PTK2: variants seen among roughly 807,000 people sequenced by gnomAD.
PTK2 encodes the protein focal adhesion kinase 1.
In PTK2, 45 loss-of-function variants were observed where a neutral mutation model predicts 150.1. The ratio of observed to expected loss-of-function variants is 0.30; its 90% CI spans 0.24 to 0.38. The LOEUF is 0.38. PTK2 is among the 10% of genes least tolerant of loss of function. The pLI, the probability that PTK2 is intolerant of heterozygous loss-of-function variation, is 1.00. For missense variants in PTK2, 919 were observed against 1,307.3 expected (o/e 0.70, Z 4.58); for synonymous variants, 432 against 449.2 (o/e 0.96, Z 0.48).
chr8:140,817,314 G>A (rs1451589272), intron 10 of PTK2, among the ~76,000 whole-genome samples: 2 of 152,128 alleles, frequency 1.3e-5, no homozygotes, highest in Non-Finnish European at 2.9e-5. Flanking sequence ...TGAGCAGAGT[G>A]GGAATGGAAA....
intron 14 of PTK2, among the ~76,000 whole-genome samples, chr8:140,782,789 T>C (rs2100082590): frequency 6.6e-6 from 1 of 152,160 alleles, no homozygotes; most frequent in Non-Finnish European, 1.5e-5. Flanking sequence ...AGAACCTTTT[T>C]CAAACTTGAA....
intron 26 of PTK2, among the ~76,000 whole-genome samples, chr8:140,689,767 CT>C (rs901035380): frequency 1.3e-5 from 2 of 152,136 alleles, no homozygotes; most frequent in Non-Finnish European, 2.9e-5. Context: ...CATGGGAATT[CT>C]TTGTACCATT....
chr8:140,803,761 T>G, intron 10 of PTK2, 111 bp from the exon 11 acceptor site: 3 of 974,064 alleles, frequency 3.1e-6, no homozygotes, highest in Non-Finnish European at 4.7e-6. Flanking sequence ...TCCCTAAGAC[T>G]GGAGGTCTGG....
intron 14 of PTK2, among the ~76,000 whole-genome samples, chr8:140,771,605 G>C (rs574930922): frequency 6.6e-6 from 1 of 152,184 alleles, no homozygotes; most frequent in South Asian, 2.1e-4. Flanking sequence ...GCATACTCAC[G>C]GGGTATCATA....
chr8:140,810,902 A>T (rs2100101131), intron 10 of PTK2, among the ~76,000 whole-genome samples: 1 of 152,160 alleles, frequency 6.6e-6, no homozygotes, highest in African/African-American at 2.4e-5. Context: ...CCAGCAACCC[A>T]ACCCTGTGCT....
Position 140,694,176 on chromosome 8 carries a change from G to GACTACAGGCACCTGCC in PTK2, c.2499+6699_2499+6714dup, listed in dbSNP as rs1370781390. 2.6e-5 allele frequency among the ~76,000 whole-genome samples: 4 copies of GACTACAGGCACCTGCC among 151,836 alleles called. No homozygotes were observed. In the East Asian group the frequency reaches 7.8e-4, roughly 29 times the overall value. On this transcript the variant is annotated intron_variant, in intron 26 of 31. Coordinates refer to ENST00000522684, the Ensembl canonical transcript of PTK2. ...CTGCCTTAGCCTCCTGAGTAGCTGG[G>GACTACAGGCACCTGCC]ACTACAGGCACCTGCCACTACGCCC...
At chr8:140,792,932 C>A (rs900960019) in intron 13 of PTK2, among the ~76,000 whole-genome samples, 2 of 152,042 alleles carry the variant, frequency 1.3e-5, no homozygotes, top group African/African-American at 4.8e-5. Flanking sequence ...TATTACTATT[C>A]GATTCTTTTA....
chr8:140,770,287 C>G (rs2100074762), intron 14 of PTK2, among the ~76,000 whole-genome samples: 1 of 152,176 alleles, frequency 6.6e-6, no homozygotes, highest in Non-Finnish European at 1.5e-5. Flanking sequence ...TGCAGCAGCC[C>G]TAAATATCTG....
chr8:140,767,634 C>T (rs774565300), intron 14 of PTK2, among the ~76,000 whole-genome samples: 16 of 152,156 alleles, frequency 1.1e-4, no homozygotes, highest in Middle Eastern at 3.4e-3. Context: ...TACAGGCACG[C>T]GCCGCCATGC....
At chr8:140,920,760 G>T in intron 2 of PTK2, 2 of 1,321,002 alleles carry the variant, frequency 1.5e-6, no homozygotes, top group Non-Finnish European at 9.8e-7. Context: ...CTACCTTTTC[G>T]GTGCAAAAGC....
chr8:140,737,450 A>G (rs969551586), intron 21 of PTK2, among the ~76,000 whole-genome samples: 2 of 152,204 alleles, frequency 1.3e-5, no homozygotes, highest in Non-Finnish European at 2.9e-5. Context: ...TTCTTTAAAC[A>G]CTGCATTTTA....
At chr8:140,914,431 T>A (rs955871634) in intron 2 of PTK2, among the ~76,000 whole-genome samples, 54 of 148,862 alleles carry the variant, frequency 3.6e-4, no homozygotes, top group Non-Finnish European at 2.8e-4. Context: ...TTTTTTTTTT[T>A]AATCTTTTAT....
chr8:140,927,202 G>A (rs2100169782), intron 1 of PTK2: 1 of 152,158 alleles, frequency 6.6e-6, no homozygotes. Context: ...AGGCAATCCA[G>A]TAGTTACTTA....
chr8:140,962,500 T>G (rs1182376295), intron 1 of PTK2, among the ~76,000 whole-genome samples: 1 of 152,108 alleles, frequency 6.6e-6, no homozygotes, highest in Non-Finnish European at 1.5e-5. Flanking sequence ...GCCTCCTGTA[T>G]AGGACACACA....
At chr8:140,735,752 T>C (rs1476378761) in intron 21 of PTK2, among the ~76,000 whole-genome samples, 1 of 152,242 alleles carries the variant, frequency 6.6e-6, no homozygotes, top group Non-Finnish European at 1.5e-5. Context: ...TGGTACTTCG[T>C]GGCTTAATGC....
chr8:140,779,280 A>T (rs2100080320), intron 14 of PTK2, among the ~76,000 whole-genome samples: 1 of 151,606 alleles, frequency 6.6e-6, no homozygotes, highest in Non-Finnish European at 1.5e-5. Flanking sequence ...AAAAGAAGAC[A>T]TGCTGGAGGA....
At chr8:140,978,862 A>T (rs1380398833) in intron 1 of PTK2, among the ~76,000 whole-genome samples, 2 of 151,698 alleles carry the variant, frequency 1.3e-5, no homozygotes, top group South Asian at 2.1e-4. Context: ...ACCAACCCAA[A>T]TGTCCATCAG....
At chr8:140,691,664 G>A (rs1210980469) in intron 26 of PTK2, among the ~76,000 whole-genome samples, 1 of 152,148 alleles carries the variant, frequency 6.6e-6, no homozygotes, top group Non-Finnish European at 1.5e-5. Flanking sequence ...TTTTTCTAGT[G>A]AACTGATTGT....
chr8:140,952,280 G>A lies in PTK2; in HGVS notation c.-121-26531C>T, dbSNP rs540088993. Among the ~76,000 whole-genome samples, 64 of 152,280 alleles carry A rather than the reference G, an allele frequency of 4.2e-4. 1 individual carries two copies. In the South Asian group the frequency reaches 0.013, roughly 31 times the overall value. ...CACACCCAAATAAACAGAATGCACT[G>A]TTATAGGAAGAAAGGTACAATATGG... On this transcript the variant is annotated intron_variant, in intron 1 of 31. Coordinates refer to ENST00000522684, the Ensembl canonical transcript of PTK2.
Sources: allele counts gnomAD v4.1 joint callset (sites outside exome capture counted in the v4.1 genomes callset), GRCh38; gene constraint gnomAD v4.1.1; transcripts MANE v1.5; gene names NCBI Gene and HGNC (gene_info 2026-07-23, HGNC 2026-07-21).